Variants in LYPLA1 observed in about 807,000 individuals in gnomAD.
LYPLA1 encodes lysophospholipase 1.
In LYPLA1, 17 loss-of-function variants were observed where a neutral mutation model predicts 34.0. That is an observed-to-expected ratio of 0.50 (90% CI 0.34 to 0.75). The LOEUF (loss-of-function observed/expected upper bound fraction) is 0.75. Ranked by LOEUF, LYPLA1 falls within the 30% of genes least tolerant of loss-of-function variation. The pLI, the probability that LYPLA1 is intolerant of heterozygous loss-of-function variation, is 0.01. For synonymous variants in LYPLA1, 98 were observed against 100.8 expected (o/e 0.97, Z 0.17); for missense variants, 203 against 288.8 (o/e 0.70, Z 2.15).
chr8:54,082,238 A>G (rs193250877), intron 2 of LYPLA1, among the ~76,000 whole-genome samples: 7 of 152,342 alleles, frequency 4.6e-5, no homozygotes, highest in Admixed American at 2.6e-4. Context: ...TGAAAATCAA[A>G]AAGAATTTAT....
intron 5 of LYPLA1, among the ~76,000 whole-genome samples, chr8:54,060,387 A>G (rs1034453959): frequency 5.9e-5 from 9 of 151,934 alleles, no homozygotes; most frequent in Non-Finnish European, 8.8e-5. Context: ...AGCCTCCCAA[A>G]GTGCTGGGAT....
intron 2 of LYPLA1, among the ~76,000 whole-genome samples, chr8:54,074,951 G>C (rs914864218): frequency 2.0e-5 from 3 of 152,166 alleles, no homozygotes; most frequent in Non-Finnish European, 4.4e-5. Context: ...AAAACAATTA[G>C]GTAATGCCCC....
chr8:54,084,203 G>GA (rs1342348080), intron 2 of LYPLA1, among the ~76,000 whole-genome samples: 12 of 142,450 alleles, frequency 8.4e-5, no homozygotes, highest in South Asian at 2.2e-4. Flanking sequence ...TCTTTTACCT[G>GA]AAAAAAAACC....
chr8:54,081,430 T>C (rs1320651559), intron 2 of LYPLA1, among the ~76,000 whole-genome samples: 2 of 148,900 alleles, frequency 1.3e-5, no homozygotes, highest in African/African-American at 2.6e-5. Context: ...AGAAGACATG[T>C]TGAAGAAAAA....
At chr8:54,044,075 A>G (rs1046732819), downstream of LYPLA1, among the ~76,000 whole-genome samples, 2 of 151,830 alleles carry the variant, frequency 1.3e-5, no homozygotes, top group Non-Finnish European at 2.9e-5. Context: ...CATTTTTAGT[A>G]GAGATGGGGT....
intron 2 of LYPLA1, among the ~76,000 whole-genome samples, chr8:54,084,144 A>T (rs1455831517): frequency 7.3e-6 from 1 of 136,156 alleles, no homozygotes; most frequent in Non-Finnish European, 1.5e-5. Flanking sequence ...ATAAATAAAT[A>T]TATATATATA....
intron 3 of LYPLA1, 126 bp downstream of exon 3, chr8:54,065,622 T>C: frequency 3.3e-6 from 2 of 604,330 alleles, no homozygotes; most frequent in Middle Eastern, 9.4e-4. Context: ...TACTAATCTT[T>C]ATTTTTAAAC....
chr8:54,079,525 G>T (rs967096036), intron 2 of LYPLA1, among the ~76,000 whole-genome samples: 1 of 152,154 alleles, frequency 6.6e-6, no homozygotes, highest in African/African-American at 2.4e-5. Context: ...AAACTAGACT[G>T]GGTGCAGTGG....
intron 2 of LYPLA1, among the ~76,000 whole-genome samples, chr8:54,083,602 C>T (rs190523810): frequency 9.2e-5 from 14 of 152,238 alleles, no homozygotes; most frequent in Admixed American, 4.6e-4. Context: ...TCAACTCAGC[C>T]ACTCTAGGAT....
At chr8:54,096,108 G>C (rs564330705) in intron 2 of LYPLA1, among the ~76,000 whole-genome samples, 3 of 152,100 alleles carry the variant, frequency 2.0e-5, no homozygotes, top group Non-Finnish European at 4.4e-5. Context: ...GTACACTGAA[G>C]AATTAAGCTG....
downstream of LYPLA1, among the ~76,000 whole-genome samples, chr8:54,044,423 G>A (rs779840268): frequency 1.1e-4 from 16 of 152,078 alleles, no homozygotes; most frequent in African/African-American, 2.2e-4. Context: ...ATTTAACTTC[G>A]TGTGTTGACA....
intron 2 of LYPLA1, among the ~76,000 whole-genome samples, chr8:54,076,908 T>C (rs761936258): frequency 1.7e-4 from 26 of 152,182 alleles, no homozygotes; most frequent in Non-Finnish European, 3.4e-4. Context: ...CTGAAGGCTG[T>C]GAGACCCCTG....
chr8:54,065,487 T>TAAATAAAA (rs1806992464), intron 3 of LYPLA1, among the ~76,000 whole-genome samples: 1 of 145,268 alleles, frequency 6.9e-6, no homozygotes, highest in East Asian at 2.0e-4. Context: ...AATAAATAAA[T>TAAATAAAA]AAAATAATTT....
chr8:54,051,322 C>A, intron 7 of LYPLA1, 134 bp from the exon 8 acceptor site: 1 of 713,134 alleles, frequency 1.4e-6, no homozygotes. Context: ...AAATAAAATT[C>A]CTTCATCCAT....
At position 54,055,045 on chromosome 8, in the gene LYPLA1, C is replaced by G. The variant is rs1298776387; in HGVS notation, c.360+15G>C. On this transcript the variant is annotated intron_variant, in intron 6 of 8. Coordinates refer to ENST00000316963, the MANE Select transcript of LYPLA1 (RefSeq NM_006330.4). The stretch of plus-strand genomic sequence containing the variant: ...ATACTGATGGTACTGACATTCCACT[C>G]AAATTTTATCTTACCTGAGAAAACC... 1 of 1,527,494 alleles carries G rather than the reference C, an allele frequency of 6.5e-7. No individual in the cohort carries two copies. Among genetic ancestry groups the G allele is most frequent in the Non-Finnish European group, 9.1e-7 (1 of 1,102,620 alleles). The allele number at this position is 1,527,494 out of a possible 1,614,324, so 94.6% of individuals were successfully genotyped here. A position where few individuals can be genotyped will look rare whatever the true frequency, so the allele number is the denominator to read the frequency against.
At chr8:54,050,939 T>C (rs1805796022) in intron 8 of LYPLA1, 73 bp downstream of exon 8, 2 of 1,454,242 alleles carry the variant, frequency 1.4e-6, no homozygotes, top group African/African-American at 1.4e-5. Context: ...AGCATTCAAA[T>C]GTTACTTTTC....
chr8:54,094,529 T>C (rs1476216709), intron 2 of LYPLA1, among the ~76,000 whole-genome samples: 1 of 152,334 alleles, frequency 6.6e-6, no homozygotes, highest in Middle Eastern at 3.4e-3. Flanking sequence ...GGAGGAATCA[T>C]TATAAACTCA....
intron 2 of LYPLA1, among the ~76,000 whole-genome samples, chr8:54,090,295 C>T (rs943060672): frequency 2.0e-4 from 30 of 152,326 alleles, no homozygotes; most frequent in African/African-American, 5.8e-4. Flanking sequence ...GCTTCACATC[C>T]TGTTTCTATG....
intron 5 of LYPLA1, among the ~76,000 whole-genome samples, chr8:54,060,841 C>T (rs1285149633): frequency 4.6e-5 from 7 of 151,476 alleles, no homozygotes; most frequent in African/African-American, 4.9e-5. Context: ...TACAGGTGCC[C>T]GCCACCACGC....
Sources: gnomAD v4.1 joint callset for allele counts (sites outside exome capture counted in the v4.1 genomes callset) on GRCh38, gnomAD v4.1.1 for gene constraint, MANE v1.5 for transcripts, NCBI Gene and HGNC (gene_info 2026-07-23, HGNC 2026-07-21) for gene names.